Variants in VPS13B observed in about 807,000 individuals in gnomAD.
The protein encoded by VPS13B is vacuolar protein sorting 13 homolog B, also known as intermembrane lipid transfer protein VPS13B.
VPS13B carries 285 observed loss-of-function variants against 426.4 expected under a neutral mutation model. The ratio of observed to expected loss-of-function variants is 0.67; its 90% CI spans 0.61 to 0.74. The LOEUF (loss-of-function observed/expected upper bound fraction) is 0.74. Ranked by LOEUF, VPS13B falls within the 30% of genes least tolerant of loss-of-function variation. The pLI, the probability that VPS13B is intolerant of heterozygous loss-of-function variation, is 0.00. For missense variants in VPS13B, 4,537 were observed against 4,782.6 expected (o/e 0.95, Z 1.51); for synonymous variants, 1,676 against 1,676.4 (o/e 1.00, Z 0.01).
intron 21 of VPS13B, among the ~76,000 whole-genome samples, chr8:99,426,234 A>T (rs1030483973): frequency 7.3e-6 from 1 of 137,216 alleles, no homozygotes; most frequent in African/African-American, 2.8e-5. Context: ...CCTACAAAGG[A>T]CATGAACTCA....
At chr8:99,327,539 G>A (rs1196594764) in intron 19 of VPS13B, among the ~76,000 whole-genome samples, 1 of 152,104 alleles carries the variant, frequency 6.6e-6, no homozygotes, top group African/African-American at 2.4e-5. Context: ...AGGTGGGAGG[G>A]AAAGAGCACA....
chr8:99,539,916 T>TAC, intron 30 of VPS13B, among the ~76,000 whole-genome samples: 1 of 145,072 alleles, frequency 6.9e-6, no homozygotes. Flanking sequence ...TATATATATA[T>TAC]ACACACATAT....
At chr8:99,067,962 T>G (rs963651481) in intron 3 of VPS13B, among the ~76,000 whole-genome samples, 1 of 152,240 alleles carries the variant, frequency 6.6e-6, no homozygotes, top group Non-Finnish European at 1.5e-5. Context: ...CATGACACTT[T>G]TAGATATTTA....
At chr8:99,452,920 G>A (rs1034086979) in intron 23 of VPS13B, among the ~76,000 whole-genome samples, 2 of 152,212 alleles carry the variant, frequency 1.3e-5, no homozygotes, top group African/African-American at 4.8e-5. Context: ...GAGCCTTGCA[G>A]ATGTAATTTG....
At chr8:99,073,529 A>G (rs887734008) in intron 3 of VPS13B, among the ~76,000 whole-genome samples, 1 of 151,628 alleles carries the variant, frequency 6.6e-6, no homozygotes, top group African/African-American at 2.4e-5. Flanking sequence ...TTTTCTGACC[A>G]TTTTTGGTGT....
chr8:99,306,943 A>C (rs921880858), intron 19 of VPS13B, among the ~76,000 whole-genome samples: 11 of 152,166 alleles, frequency 7.2e-5, no homozygotes, highest in Non-Finnish European at 2.9e-5. Context: ...ATTTCAAGCT[A>C]TGCTTTGAAT....
intron 33 of VPS13B, among the ~76,000 whole-genome samples, chr8:99,597,285 G>A (rs1184793006): frequency 6.6e-6 from 1 of 152,120 alleles, no homozygotes; most frequent in South Asian, 2.1e-4. Flanking sequence ...GACAAGGATA[G>A]TGTTTCATAT....
rs201872788 is a variant in VPS13B at position 99,193,051 on chromosome 8, A to T, written c.2509A>T (p.Ser837Cys). 4.6e-5 allele frequency: 75 copies of T among 1,613,328 alleles called. No homozygotes were observed. The highest frequency in any genetic ancestry group is 6.0e-5 in the Non-Finnish European group (71 of 1,179,766). Residue 837 changes from serine (S) to cysteine (C), a missense_variant, in exon 17 of 62, where the codon AGT becomes TGT. Transcript: ENST00000357162. The stretch of plus-strand genomic sequence containing the variant: ...AGCTTTGATAAATGAAATCTTCCTA[A>T]GTATAGGTAAGAGCACAGTCTTTTT... Reference protein sequence around the residue: ...IEALINEIFLSIGVKSKNPLP... With the variant: ...IEALINEIFLCIGVKSKNPLP...
intron 23 of VPS13B, among the ~76,000 whole-genome samples, chr8:99,458,693 G>A (rs1818656541): frequency 6.6e-6 from 1 of 152,206 alleles, no homozygotes; most frequent in African/African-American, 2.4e-5. Context: ...GTTTTCATGT[G>A]TCTTTTGGCT....
intron 7 of VPS13B, 70 bp from the exon 8 acceptor site, chr8:99,121,107 G>A: frequency 6.8e-7 from 1 of 1,470,332 alleles, no homozygotes; most frequent in Non-Finnish European, 9.2e-7. Flanking sequence ...AAATTTTAAA[G>A]GATGTCTATT....
Position 99,447,329 on chromosome 8 carries a change from A to G in VPS13B, c.3445+4694A>G, listed in dbSNP as rs566989941. Among the ~76,000 whole-genome samples, 79 of 152,308 alleles carry G rather than the reference A, an allele frequency of 5.2e-4. 3 individuals are homozygous for G. The South Asian group carries it at 0.013, about 25-fold the overall frequency. ...GTGGTTGTGGGTTTTCCCCCCACCCATCTATTGAAGGTTTCATTTTCTGGC... is the reference window on the plus strand; with the variant it reads ...GTGGTTGTGGGTTTTCCCCCCACCCGTCTATTGAAGGTTTCATTTTCTGGC... On this transcript the variant is annotated intron_variant, in intron 23 of 61. Coordinates refer to ENST00000357162, the MANE Select transcript of VPS13B (RefSeq NM_152564.5).
intron 34 of VPS13B, among the ~76,000 whole-genome samples, chr8:99,653,329 A>G (rs1200705794): frequency 6.6e-6 from 1 of 152,212 alleles, no homozygotes; most frequent in Non-Finnish European, 1.5e-5. Flanking sequence ...ATCAACATTT[A>G]CTTAAAACAA....
intron 23 of VPS13B, among the ~76,000 whole-genome samples, chr8:99,454,508 G>C (rs940877915): frequency 6.6e-6 from 1 of 152,066 alleles, no homozygotes; most frequent in Admixed American, 6.6e-5. Context: ...TAATTGTCTG[G>C]ATGTACTAGA....
chr8:99,631,638 A>C (rs1828850721), intron 33 of VPS13B, among the ~76,000 whole-genome samples: 1 of 151,964 alleles, frequency 6.6e-6, no homozygotes, highest in Non-Finnish European at 1.5e-5. Flanking sequence ...ACTAAAAAAA[A>C]CTCAAATTGT....
At chr8:99,438,061 C>CT (rs1473033209) in intron 22 of VPS13B, among the ~76,000 whole-genome samples, 9 of 107,690 alleles carry the variant, frequency 8.4e-5, no homozygotes, top group Non-Finnish European at 1.7e-4. Flanking sequence ...TTTGTACTCT[C>CT]TGAGTTTTTC....
intron 51 of VPS13B, among the ~76,000 whole-genome samples, chr8:99,827,456 CTCTTT>C (rs1420300840): frequency 4.7e-5 from 7 of 148,710 alleles, no homozygotes; most frequent in African/African-American, 1.7e-4. Flanking sequence ...TGAGTCTTCT[CTCTTT>C]TCTTCTTTAT....
intron 19 of VPS13B, among the ~76,000 whole-genome samples, chr8:99,317,668 G>A (rs914525206): frequency 1.3e-5 from 2 of 151,966 alleles, no homozygotes; most frequent in African/African-American, 4.8e-5. Flanking sequence ...GTATGGATGT[G>A]TATGTGGATT....
chr8:99,709,019 A>T (rs1294621060), intron 36 of VPS13B, among the ~76,000 whole-genome samples: 3 of 152,092 alleles, frequency 2.0e-5, no homozygotes, highest in African/African-American at 4.8e-5. Context: ...CTGCTTCAAC[A>T]TAATTGGTTG....
intron 7 of VPS13B, chr8:99,119,237 T>C (rs1011897978): frequency 6.6e-6 from 1 of 152,282 alleles, no homozygotes; most frequent in South Asian, 2.1e-4. Flanking sequence ...TTATTTTACT[T>C]TATGTATTTA....
Sources: gnomAD v4.1 joint callset for allele counts (sites outside exome capture counted in the v4.1 genomes callset) on GRCh38, gnomAD v4.1.1 for gene constraint, MANE v1.5 for transcripts, NCBI Gene and HGNC (gene_info 2026-07-23, HGNC 2026-07-21) for gene names.